The following GALNT1 variants were observed in gnomAD, a reference collection of about 807,000 sequenced individuals.
GALNT1 encodes polypeptide N-acetylgalactosaminyltransferase 1.
Under a neutral mutation model 65.7 loss-of-function variants are expected in GALNT1, and 17 were observed. The observed-to-expected ratio is 0.26, with a 90% CI of 0.18 to 0.39. The LOEUF (loss-of-function observed/expected upper bound fraction) is 0.39, where lower values mean the gene tolerates loss of function less well. Ranked by LOEUF, GALNT1 falls within the 10% of genes least tolerant of loss-of-function variation. The pLI is 1.00. For missense variants in GALNT1, 460 were observed against 672.8 expected (o/e 0.68, Z 3.50); for synonymous variants, 210 against 219.7 (o/e 0.96, Z 0.39).
At position 35,612,199 on chromosome 18, in the gene GALNT1, G is replaced by T. The variant is rs111350501; in HGVS notation, c.-104+30337G>T. ...TAGGTTTGGATTTAAATATTTTTAA[G>T]ATGTGATTTAATAACTTCACACATG... On this transcript the variant is annotated intron_variant, in intron 1 of 11. Coordinates refer to ENST00000269195, the MANE Select transcript of GALNT1 (RefSeq NM_020474.4). 1.1e-3 allele frequency among the ~76,000 whole-genome samples: 163 copies of T among 152,224 alleles called. 2 individuals are homozygous for T. The highest frequency in any genetic ancestry group is 3.7e-3 in the African/African-American group (154 of 41,554).
chr18:35,663,319 G>C (rs549197477), intron 2 of GALNT1, among the ~76,000 whole-genome samples: 2 of 152,272 alleles, frequency 1.3e-5, no homozygotes, highest in East Asian at 1.9e-4. Flanking sequence ...GACTCTAGGA[G>C]GCCATAAGAA....
chr18:35,651,474 A>C (rs543952450), intron 1 of GALNT1, among the ~76,000 whole-genome samples: 8 of 152,308 alleles, frequency 5.3e-5, no homozygotes, highest in African/African-American at 1.9e-4. Context: ...AGTTTCTTGG[A>C]TCAAATAATG....
intron 3 of GALNT1, among the ~76,000 whole-genome samples, chr18:35,676,821 T>C (rs1166599754): frequency 1.3e-5 from 2 of 152,218 alleles, no homozygotes; most frequent in Middle Eastern, 3.2e-3. Flanking sequence ...TAATTTCATC[T>C]AGCTAACAAG....
chr18:35,685,442 C>A (rs1332316134), intron 5 of GALNT1, among the ~76,000 whole-genome samples: 1 of 147,600 alleles, frequency 6.8e-6, no homozygotes, highest in African/African-American at 2.5e-5. Context: ...ACTTAGCAAA[C>A]TATTATACAG....
chr18:35,583,453 T>C (rs1450216807), intron 1 of GALNT1, among the ~76,000 whole-genome samples: 1 of 152,194 alleles, frequency 6.6e-6, no homozygotes, highest in Non-Finnish European at 1.5e-5. Flanking sequence ...CAAATACTTG[T>C]TAAATGCCTG....
chr18:35,643,810 A>G (rs867574830), intron 1 of GALNT1, among the ~76,000 whole-genome samples: 153 of 146,740 alleles, frequency 1.0e-3, no homozygotes, highest in South Asian at 5.8e-3. Flanking sequence ...AAAAAAAAAG[A>G]AAAAAAAACA....
At chr18:35,634,244 T>G (rs1291849926) in intron 1 of GALNT1, among the ~76,000 whole-genome samples, 1 of 152,104 alleles carries the variant, frequency 6.6e-6, no homozygotes, top group Non-Finnish European at 1.5e-5. Context: ...GAGGCTCAGG[T>G]TTTTGCAAAT....
intron 1 of GALNT1, among the ~76,000 whole-genome samples, chr18:35,639,835 C>A (rs1446192733): frequency 6.6e-6 from 1 of 152,114 alleles, no homozygotes; most frequent in African/African-American, 2.4e-5. Context: ...TCACTTTTGT[C>A]CCCCAGGGTG....
rs2048334459 is a variant in GALNT1, at chr18:35,710,390, A to G, written c.*620A>G. The G allele has an allele frequency of 6.6e-6, 1 of 152,608 alleles. No individual in the cohort carries two copies. The highest frequency in any genetic ancestry group is 1.5e-5 in the Non-Finnish European group (1 of 68,034). 9.5% of individuals were successfully genotyped at this position (152,608 alleles called of 1,614,324 possible). ...TTTTATACCTCAGTGGGGAAAAATAACTGATTCCAATGACATTCATTTTGT... is the reference window on the plus strand; with the variant it reads ...TTTTATACCTCAGTGGGGAAAAATAGCTGATTCCAATGACATTCATTTTGT... On this transcript the variant is annotated 3_prime_UTR_variant, in exon 12 of 12. Coordinates refer to ENST00000269195, the MANE Select transcript of GALNT1 (RefSeq NM_020474.4).
intron 1 of GALNT1, among the ~76,000 whole-genome samples, chr18:35,630,721 G>A (rs1198364918): frequency 6.6e-6 from 1 of 152,134 alleles, no homozygotes; most frequent in Non-Finnish European, 1.5e-5. Flanking sequence ...AACTAAAGGA[G>A]ATAGAGACAC....
Position 35,670,012 on chromosome 18 carries a change from G to A in GALNT1, c.314+6210G>A, listed in dbSNP as rs148598320. 7.6e-4 allele frequency among the ~76,000 whole-genome samples: 115 copies of A among 152,276 alleles called. 2 individuals are homozygous for A. The East Asian group carries it at 0.017, about 23-fold the overall frequency. ...TAGAATAAAAAAGTGTTTAGAGACC[G>A]GTCACGGTGACTCACACCTGTAACC... On this transcript the variant is annotated intron_variant, in intron 3 of 11. Transcript: ENST00000269195.
chr18:35,646,015 C>G (rs1267755479), intron 1 of GALNT1, among the ~76,000 whole-genome samples: 2 of 152,084 alleles, frequency 1.3e-5, no homozygotes, highest in African/African-American at 4.8e-5. Context: ...TGAAGAACTA[C>G]CTGAGACTCG....
chr18:35,633,972 T>C (rs2047056379), intron 1 of GALNT1, among the ~76,000 whole-genome samples: 1 of 152,194 alleles, frequency 6.6e-6, no homozygotes, highest in South Asian at 2.1e-4. Flanking sequence ...CCCAGAGCCA[T>C]TGCTGAAGAT....
chr18:35,619,044 A>G (rs1429650291), intron 1 of GALNT1, among the ~76,000 whole-genome samples: 2 of 152,232 alleles, frequency 1.3e-5, no homozygotes, highest in African/African-American at 4.8e-5. Context: ...CAGCAACTTA[A>G]AAACCGATAT....
At chr18:35,631,379 C>G (rs1287596474) in intron 1 of GALNT1, among the ~76,000 whole-genome samples, 1 of 152,094 alleles carries the variant, frequency 6.6e-6, no homozygotes, top group African/African-American at 2.4e-5. Context: ...GGCTTCATCC[C>G]TGGGATGCAA....
At chr18:35,687,312 T>A (rs2047883876) in intron 6 of GALNT1, 126 bp downstream of exon 6, 4 of 764,082 alleles carry the variant, frequency 5.2e-6, no homozygotes, top group African/African-American at 3.6e-5. Flanking sequence ...TTATGGTAGT[T>A]AACAGCCATC....
At chr18:35,698,619 A>G (rs1307778025) in intron 9 of GALNT1, among the ~76,000 whole-genome samples, 1 of 152,242 alleles carries the variant, frequency 6.6e-6, no homozygotes, top group Non-Finnish European at 1.5e-5. Context: ...ACAAATATAG[A>G]CATTTCCATC....
At chr18:35,692,656 TA>T (rs940985100) in intron 9 of GALNT1, among the ~76,000 whole-genome samples, 156 of 144,340 alleles carry the variant, frequency 1.1e-3, no homozygotes, top group African/African-American at 2.5e-3. Context: ...GTATATATAT[TA>T]AAAAAAAAAA....
At chr18:35,583,434 C>T (rs2046346787) in intron 1 of GALNT1, among the ~76,000 whole-genome samples, 1 of 152,182 alleles carries the variant, frequency 6.6e-6, no homozygotes, top group South Asian at 2.1e-4. Context: ...GGAGCACTCA[C>T]CATTTATGCA....
Sources: gnomAD v4.1 joint callset for allele counts (sites outside exome capture counted in the v4.1 genomes callset) on GRCh38, gnomAD v4.1.1 for gene constraint, MANE v1.5 for transcripts, NCBI Gene and HGNC (gene_info 2026-07-23, HGNC 2026-07-21) for gene names.